CACNA1S: variants seen among roughly 807,000 people sequenced by gnomAD.
CACNA1S encodes calcium voltage-gated channel subunit alpha1 S, also known as voltage-dependent L-type calcium channel subunit alpha-1S.
A neutral mutation model predicts 207.4 loss-of-function variants in CACNA1S; 126 were observed. That is an observed-to-expected ratio of 0.61 (90% CI 0.53 to 0.70). The LOEUF (loss-of-function observed/expected upper bound fraction) is 0.70. Among genes scored for constraint, CACNA1S ranks in the 30% least tolerant of loss-of-function variants. The pLI is 0.00. For missense variants in CACNA1S, 2,349 were observed against 2,422.8 expected (o/e 0.97, Z 0.64); for synonymous variants, 960 against 932.7 (o/e 1.03, Z -0.53).
chr1:201,088,815 C>G (rs1345706220), intron 6 of CACNA1S, among the ~76,000 whole-genome samples: 1 of 152,182 alleles, frequency 6.6e-6, no homozygotes, highest in African/African-American at 2.4e-5. Flanking sequence ...CCCACTAACT[C>G]TGATATAGAC....
chr1:201,062,307 C>T lies in CACNA1S; in HGVS notation c.2906+155G>A, dbSNP rs112142639. ...TTCCCCAGTTTCCAGCTTGAAGGGCCGTCATCCACCAACACACAGTCCCCT... is the reference window on the plus strand; with the variant it reads ...TTCCCCAGTTTCCAGCTTGAAGGGCTGTCATCCACCAACACACAGTCCCCT... On this transcript the variant is annotated intron_variant, in intron 23 of 43. Coordinates refer to ENST00000362061, the MANE Select transcript of CACNA1S (RefSeq NM_000069.3). Among the ~76,000 whole-genome samples, 573 of 152,218 alleles carry T rather than the reference C, an allele frequency of 3.8e-3. 2 individuals carry two copies. The highest frequency in any genetic ancestry group is 0.013 in the African/African-American group (530 of 41,530).
chr1:201,058,461 C>A lies in CACNA1S; in HGVS notation c.3556G>T (p.Asp1186Tyr). 6.2e-7 allele frequency: 1 copy of A among 1,614,156 alleles called. No individual in the cohort carries two copies. The highest frequency in any genetic ancestry group is 1.1e-5 in the South Asian group (1 of 91,066). ...ATGCTGCCAATGACAATCAGGAAGTCAAACACATTCCAGGGGTCTCCAAAG... is the reference window on the plus strand; with the variant it reads ...ATGCTGCCAATGACAATCAGGAAGTAAAACACATTCCAGGGGTCTCCAAAG... ...GYFGDPWNVF[D>Y]FLIVIGSIID... The change falls in exon 28 of 44, where the codon GAC becomes TAC. Residue 1186 changes from aspartate (D) to tyrosine (Y), a missense_variant. Coordinates refer to ENST00000362061, the MANE Select transcript of CACNA1S (RefSeq NM_000069.3).
chr1:201,105,303 G>A (rs1405249861), intron 2 of CACNA1S, among the ~76,000 whole-genome samples: 1 of 152,144 alleles, frequency 6.6e-6, no homozygotes, highest in Non-Finnish European at 1.5e-5. Context: ...TGCTCTGTGG[G>A]GCCTGCATGA....
intron 13 of CACNA1S, 40 bp downstream of exon 13, chr1:201,075,455 T>G: frequency 1.2e-4 from 95 of 760,880 alleles, no homozygotes; most frequent in Non-Finnish European, 1.6e-4. Flanking sequence ...CCCCACCCCC[T>G]CCCTAAGCTC....
In CACNA1S at chr1:201,070,363, G is replaced by A. The variant is rs770073633; in HGVS notation, c.2269C>T (p.Arg757Ter). 14 of 1,613,936 alleles carry A rather than the reference G, an allele frequency of 8.7e-6. No homozygotes were observed. The highest frequency in any genetic ancestry group is 2.7e-5 in the African/African-American group (2 of 74,916). ...TGCAGCTCAGCCAGGGGACGTGGTCGGGGGCTCAGCGGGATCTCAGGCTCA... is the reference window on the plus strand; with the variant it reads ...TGCAGCTCAGCCAGGGGACGTGGTCAGGGGCTCAGCGGGATCTCAGGCTCA... ...EDEPEIPLSP[R>*]PRPLAELQLK... is the part of the protein sequence containing the mutation. Residue 757 changes from arginine to a stop codon, truncating the protein, a stop_gained, in exon 17 of 44, where the codon CGA becomes TGA. Transcript: ENST00000362061. LOFTEE classifies it high-confidence loss of function.
At chr1:201,066,000 G>T in intron 21 of CACNA1S, 55 bp from the exon 22 acceptor site, 2 of 1,303,574 alleles carry the variant, frequency 1.5e-6, no homozygotes, top group Non-Finnish European at 1.1e-6. Flanking sequence ...AACCCTGCTA[G>T]CCCAGTTGAG....
At chr1:201,042,631 C>G (rs1660303183) in intron 40 of CACNA1S, among the ~76,000 whole-genome samples, 1 of 152,190 alleles carries the variant, frequency 6.6e-6, no homozygotes, top group Non-Finnish European at 1.5e-5. Flanking sequence ...GGAAGGGGTG[C>G]AGGCAGCCCT....
chr1:201,086,556 G>A (rs542327191), intron 7 of CACNA1S, among the ~76,000 whole-genome samples: 53 of 152,314 alleles, frequency 3.5e-4, no homozygotes, highest in African/African-American at 1.1e-3. Context: ...GCATACCGTA[G>A]GCGATTGTAT....
At chr1:201,098,436 C>T (rs999264047) in intron 2 of CACNA1S, among the ~76,000 whole-genome samples, 10 of 152,150 alleles carry the variant, frequency 6.6e-5, no homozygotes, top group East Asian at 5.8e-4. Flanking sequence ...CACACACACA[C>T]GAAGAGAACA....
intron 10 of CACNA1S, among the ~76,000 whole-genome samples, chr1:201,081,346 A>G (rs1450939364): frequency 3.3e-5 from 5 of 152,152 alleles, no homozygotes; most frequent in Admixed American, 6.5e-5. Flanking sequence ...CATCATTCTT[A>G]TGCCTTATGC....
intron 10 of CACNA1S, among the ~76,000 whole-genome samples, chr1:201,082,319 G>T (rs1014476235): frequency 4.9e-5 from 7 of 143,686 alleles, no homozygotes; most frequent in African/African-American, 1.5e-4. Flanking sequence ...GAGCCACCGC[G>T]CCCGGCCTCA....
Position 201,077,017 on chromosome 1 carries a change from C to T in CACNA1S, c.1730G>A (p.Gly577Asp). Reference protein sequence around the residue: ...FLFIVIFALLGMQLFGGRYDF... With the variant: ...FLFIVIFALLDMQLFGGRYDF... ...ATACCTCCCCCCAAAGAGCTGCATG[C>T]CCAGGAGGGCGAAGATGACGATGAA... Residue 577 changes from glycine to aspartate, a missense_variant, in exon 12 of 44, where the codon GGC (glycine) becomes GAC (aspartate). Coordinates refer to ENST00000362061, the MANE Select transcript of CACNA1S (RefSeq NM_000069.3). The T allele has an allele frequency of 6.2e-7, 1 of 1,614,232 alleles. No individual in the cohort carries two copies.
At chr1:201,090,616 G>A (rs781150864) in intron 5 of CACNA1S, among the ~76,000 whole-genome samples, 2 of 152,164 alleles carry the variant, frequency 1.3e-5, no homozygotes, top group Non-Finnish European at 2.9e-5. Flanking sequence ...CTGCTGGCAG[G>A]GTAGAGCAGC....
chr1:201,085,305 T>C (rs1292765680), intron 8 of CACNA1S, 131 bp downstream of exon 8: 3 of 1,252,788 alleles, frequency 2.4e-6, no homozygotes, highest in Non-Finnish European at 3.5e-6. Flanking sequence ...TGAGCCATTT[T>C]GCTTTAGGCA....
Position 201,059,315 on chromosome 1 carries a change from A to G in CACNA1S, c.3415-16T>C, listed in dbSNP as rs1452664468. 6.4e-7 allele frequency: 1 copy of G among 1,570,402 alleles called. No homozygotes were observed. The highest frequency in any genetic ancestry group is 8.8e-7 in the Non-Finnish European group (1 of 1,140,668). On this transcript the variant is annotated splice_polypyrimidine_tract_variant and intron_variant, in intron 26 of 43. Transcript: ENST00000362061. ...GGTTGTAGTGCTGTGGAGGGGACAC[A>G]GGAGCAGTGGGTCAGGGGGGCCGGG...
At position 201,069,499 on chromosome 1, in the gene CACNA1S, G is replaced by T. The variant is rs748250265; in HGVS notation, c.2463C>A (p.Pro821=). The part of the protein sequence containing the change: ...LSSAALAAED[P]IRADSMRNQI... ...GATTTCTCATGGAATCAGCCCGGAT[G>T]GGGTCTTCCGCAGCCAGTGCAGCGC... Residue 821 remains proline (P), a synonymous_variant, in exon 18 of 44, where the codon CCC becomes CCA. Transcript: ENST00000362061. The T allele has an allele frequency of 6.2e-7, 1 of 1,600,992 alleles. No homozygotes were observed. The highest frequency in any genetic ancestry group is 1.7e-5 in the Admixed American group (1 of 57,294).
chr1:201,070,359 G>T lies in CACNA1S; in HGVS notation c.2273C>A (p.Pro758Gln). 1 of 1,614,096 alleles carries T rather than the reference G, an allele frequency of 6.2e-7. No homozygotes were observed. The highest frequency in any genetic ancestry group is 8.5e-7 in the Non-Finnish European group (1 of 1,180,016). The change falls in exon 17 of 44, where the codon CCA becomes CAA. Residue 758 changes from proline (P) to glutamine (Q), a missense_variant. Physicochemically the swap from Pro to Gln is moderately conservative, Grantham distance 76. Coordinates refer to ENST00000362061, the MANE Select transcript of CACNA1S (RefSeq NM_000069.3). ...CAGCTGCAGCTCAGCCAGGGGACGT[G>T]GTCGGGGGCTCAGCGGGATCTCAGG... ...DEPEIPLSPR[P>Q]RPLAELQLKE... is the part of the protein sequence containing the mutation.
Position 201,097,964 on chromosome 1 carries a change from T to C in CACNA1S, c.259-3943A>G, listed in dbSNP as rs1180401799. On this transcript the variant is annotated intron_variant, in intron 2 of 43. Transcript: ENST00000362061. ...CCTCATGACTCACTTTTTTCTTTCT[T>C]TCAGGGCCCAACTTGAAGGTCACTT... 2.6e-5 allele frequency among the ~76,000 whole-genome samples: 4 copies of C among 152,200 alleles called. No individual in the cohort carries two copies. In the East Asian group the frequency reaches 7.7e-4, roughly 29 times the overall value.
chr1:201,091,992 C>G lies in CACNA1S; in HGVS notation c.521G>C (p.Arg174Pro). 5 of 1,614,138 alleles carry G rather than the reference C, an allele frequency of 3.1e-6. No homozygotes were observed. The highest frequency in any genetic ancestry group is 3.4e-6 in the Non-Finnish European group (4 of 1,180,012). ...LRAFRVLRPL[R>P]LVSGVPSLQV... ...CCCACTAGGCACCCCCGACACCAGCCGGAGGGGTCTGAGCACTCGGAAGGC... is the reference window on the plus strand; with the variant it reads ...CCCACTAGGCACCCCCGACACCAGCGGGAGGGGTCTGAGCACTCGGAAGGC... Residue 174 changes from arginine to proline, a missense_variant, in exon 4 of 44, where the codon CGG (arginine) becomes CCG (proline). Arg to Pro is a moderately radical substitution (Grantham distance 103, BLOSUM62 -2). Coordinates refer to ENST00000362061, the MANE Select transcript of CACNA1S (RefSeq NM_000069.3).
Sources: allele counts gnomAD v4.1 joint callset (sites outside exome capture counted in the v4.1 genomes callset), GRCh38; gene constraint gnomAD v4.1.1; transcripts MANE v1.5; gene names NCBI Gene and HGNC (gene_info 2026-07-23, HGNC 2026-07-21).